Variants in CCDC187 observed in about 807,000 individuals in gnomAD.
The protein encoded by CCDC187 is coiled-coil domain containing 187.
CCDC187 carries 32 observed loss-of-function variants against 38.0 expected under a neutral mutation model. That is an observed-to-expected ratio of 0.84 (90% confidence interval 0.64 to 1.13). The LOEUF is 1.13. Among genes scored for constraint, CCDC187 ranks in the 50% most tolerant of loss-of-function variants. The pLI is 0.00. For missense variants in CCDC187, 707 were observed against 786.8 expected (o/e 0.90, Z 1.21); for synonymous variants, 333 against 347.9 (o/e 0.96, Z 0.48).
upstream of CCDC187, among the ~76,000 whole-genome samples, chr9:136,305,164 T>A (rs967762214): frequency 6.6e-6 from 1 of 152,132 alleles, no homozygotes; most frequent in Non-Finnish European, 1.5e-5. Context: ...CTGCGTATAA[T>A]GTGAGGTGCG....
chr9:136,288,416 C>G (rs902768530), intron 7 of CCDC187, among the ~76,000 whole-genome samples: 100 of 152,302 alleles, frequency 6.6e-4, no homozygotes, highest in African/African-American at 2.3e-3. Flanking sequence ...AAAGATACGC[C>G]AGGGGCAGCC....
intron 9 of CCDC187, among the ~76,000 whole-genome samples, chr9:136,284,226 C>T (rs1267217387): frequency 1.3e-5 from 2 of 152,154 alleles, no homozygotes; most frequent in Admixed American, 1.3e-4. Context: ...TGCTGCAGTG[C>T]CCACTGCCAC....
chr9:136,299,019 A>AG (rs1458487634), intron 3 of CCDC187, among the ~76,000 whole-genome samples: 2 of 152,184 alleles, frequency 1.3e-5, no homozygotes, highest in East Asian at 3.9e-4. Context: ...GGGGTGGTTG[A>AG]GGTCCCTGAG....
intron 4 of CCDC187, among the ~76,000 whole-genome samples, chr9:136,297,252 T>C (rs1040507609): frequency 6.7e-6 from 1 of 149,968 alleles, no homozygotes; most frequent in East Asian, 2.0e-4. Context: ...TGCCATGGGG[T>C]GTAGGTGCCC....
Position 136,254,916 on chromosome 9 carries a change from T to C in CCDC187, c.4912A>G (p.Thr1638Ala), listed in dbSNP as rs751354597. The C allele has an allele frequency of 2.2e-5, 22 of 985,354 alleles. No homozygotes were observed. The highest frequency in any genetic ancestry group is 5.2e-4 in the Middle Eastern group (1 of 1,938). 61.0% of individuals were successfully genotyped at this position (985,354 alleles called of 1,614,324 possible). ...SLWEFQKAAA[T>A]LIQLSGSSSS... ...GAGCTCCCAGAAAGCTGGATCAGGG[T>C]AGCCGCTGCTTTCTGGAACTCCCAG... The change falls in exon 26 of 26, where the codon ACC becomes GCC. Residue 1638 changes from threonine to alanine, a missense_variant. By Grantham distance (58) the Thr-to-Ala change is moderately conservative. Coordinates refer to ENST00000638797, the MANE Select transcript of CCDC187 (RefSeq NM_001378188.1).
intron 4 of CCDC187, among the ~76,000 whole-genome samples, chr9:136,293,921 C>T (rs933994048): frequency 8.2e-4 from 121 of 148,432 alleles, no homozygotes; most frequent in Non-Finnish European, 1.5e-3. Flanking sequence ...CACTCATATA[C>T]ACACTCCCTC....
intron 4 of CCDC187, among the ~76,000 whole-genome samples, chr9:136,295,030 G>A (rs1203203082): frequency 6.6e-6 from 1 of 152,234 alleles, no homozygotes; most frequent in African/African-American, 2.4e-5. Flanking sequence ...ACCTCCCATA[G>A]GGCCACAAGA....
intron 7 of CCDC187, among the ~76,000 whole-genome samples, chr9:136,289,442 C>T (rs1343133674): frequency 6.8e-6 from 1 of 146,472 alleles, no homozygotes; most frequent in Admixed American, 7.1e-5. Flanking sequence ...TCACTTGAAC[C>T]TGGGAGGTGG....
At position 136,262,432 on chromosome 9, in the gene CCDC187, C is replaced by T; in HGVS notation, c.3943G>A (p.Glu1315Lys). ...TGCTGGCTTGTCTCTGAGCCTCCCT[C>T]CCAGGCGGCCTTGACTTTGGGGCTG... ...GSSPKVKAAW[E>K]GGSETSQQPE... The change falls in exon 19 of 26, where the codon GAG becomes AAG. Residue 1315 changes from glutamate to lysine, a missense_variant. Transcript: ENST00000638797. 1.0e-6 allele frequency: 1 copy of T among 985,976 alleles called. No individual in the cohort carries two copies. The highest frequency in any genetic ancestry group is 1.2e-6 in the Non-Finnish European group (1 of 830,284). The allele number at this position is 985,976 out of a possible 1,614,324, so 61.1% of individuals were successfully genotyped here.
At chr9:136,259,102 TG>T (rs1307427967) in intron 21 of CCDC187, 101 bp from the exon 22 acceptor site, 4 of 890,462 alleles carry the variant, frequency 4.5e-6, no homozygotes, top group Admixed American at 1.3e-4. Flanking sequence ...GGGGACAGAC[TG>T]GGGTGGATGG....
At chr9:136,278,610 A>G (rs1229906460) in intron 10 of CCDC187, among the ~76,000 whole-genome samples, 1 of 152,176 alleles carries the variant, frequency 6.6e-6, no homozygotes, top group Non-Finnish European at 1.5e-5. Context: ...AGCTGCGGTC[A>G]CTGCTGGTAG....
chr9:136,295,238 G>A (rs1041941576), intron 4 of CCDC187, among the ~76,000 whole-genome samples: 2 of 152,192 alleles, frequency 1.3e-5, no homozygotes, highest in African/African-American at 2.4e-5. Context: ...GCTCTCCCTC[G>A]CTGGGTTGCT....
At chr9:136,276,002 A>C (rs1188328694) in intron 12 of CCDC187, among the ~76,000 whole-genome samples, 192 bp downstream of exon 12, 1 of 152,144 alleles carries the variant, frequency 6.6e-6, no homozygotes, top group African/African-American at 2.4e-5. Flanking sequence ...CCCAGGACAC[A>C]TGTGGCTGAA....
intron 14 of CCDC187, among the ~76,000 whole-genome samples, chr9:136,274,409 G>A (rs142492247): frequency 1.3e-5 from 2 of 152,374 alleles, no homozygotes; most frequent in African/African-American, 4.8e-5. Context: ...TCTGCCAGCT[G>A]TCTAACCCAG....
intron 4 of CCDC187, among the ~76,000 whole-genome samples, chr9:136,293,458 C>CACA (rs1588671631): frequency 0.2 from 11,150 of 54,798 alleles, 687 homozygotes; most frequent in East Asian, 0.34. Flanking sequence ...CATGCTCACA[C>CACA]TCACACTCAC....
Position 136,300,301 on chromosome 9 carries a change from C to T in CCDC187, c.643G>A (p.Ala215Thr). Residue 215 changes from alanine (A) to threonine (T), a missense_variant, in exon 3 of 26, where the codon GCA (alanine) becomes ACA (threonine). Ala to Thr is a moderately conservative substitution (Grantham distance 58). Transcript: ENST00000638797. Reference sequence around the variant, plus strand: ...TTGGCTTCAACTCTGCGCTCAGCTGCACTCAAGATGCTGAAACCTGGAACA... The same window carrying T: ...TTGGCTTCAACTCTGCGCTCAGCTGTACTCAAGATGCTGAAACCTGGAACA... ...PECSGFSILS[A>T]AERRVEAKAS... 2 of 398,678 alleles carry T rather than the reference C, an allele frequency of 5.0e-6. No homozygotes were observed. The highest frequency in any genetic ancestry group is 8.8e-6 in the Non-Finnish European group (2 of 226,074). 24.7% of individuals were successfully genotyped at this position (398,678 alleles called of 1,614,324 possible).
rs976131358 is a variant in CCDC187 at position 136,286,183 on chromosome 9, G to A, written c.2735C>T (p.Pro912Leu). The A allele has an allele frequency of 2.0e-5, 8 of 398,592 alleles. No homozygotes were observed. The highest frequency in any genetic ancestry group is 2.2e-5 in the Non-Finnish European group (5 of 226,020). The allele number at this position is 398,592 out of a possible 1,614,324, so 24.7% of individuals were successfully genotyped here. A position where few individuals can be genotyped will look rare whatever the true frequency, so the allele number is the denominator to read the frequency against. ...VSMQPQPLLP[P>L]TYFLDGETLS... ...TGTCTCGCCGTCCAGGAAGTAGGTC[G>A]GGGGCAGAAGGGGCTGGGGCTGCAT... is the stretch of plus-strand genomic sequence containing the variant. The change falls in exon 8 of 26, where the codon CCG becomes CTG. Residue 912 changes from proline (P) to leucine (L), a missense_variant. Transcript: ENST00000638797.
chr9:136,303,525 T>G (rs1831741225), intron 1 of CCDC187, among the ~76,000 whole-genome samples, 163 bp downstream of exon 1: 1 of 152,194 alleles, frequency 6.6e-6, no homozygotes, highest in Admixed American at 6.5e-5. Context: ...ATGGAGAAAC[T>G]GAGTCTCAGA....
At position 136,250,859 on chromosome 9, in the gene CCDC187, C is replaced by T. The variant is rs558050882; in HGVS notation, c.*2735G>A. 30 of 455,304 alleles carry T rather than the reference C, an allele frequency of 6.6e-5. 1 individual carries two copies. The highest frequency in any genetic ancestry group is 1.4e-4 in the East Asian group (2 of 14,372). The allele number at this position is 455,304 out of a possible 1,614,324, so 28.2% of individuals were successfully genotyped here. A position where few individuals can be genotyped will look rare whatever the true frequency, so the allele number is the denominator to read the frequency against. On this transcript the variant is annotated 3_prime_UTR_variant, in exon 26 of 26. Transcript: ENST00000638797. ...AAGGCAGGCTGGGTCCAGCTGCTCC[C>T]GGGCGAGGGGTGTCTGGAGAGGGGC... is the stretch of plus-strand genomic sequence containing the variant.
Sources: allele counts gnomAD v4.1 joint callset (sites outside exome capture counted in the v4.1 genomes callset), GRCh38; gene constraint gnomAD v4.1.1; transcripts MANE v1.5; gene names NCBI Gene and HGNC (gene_info 2026-07-23, HGNC 2026-07-21).